The following NELL1 variants were observed in gnomAD, a reference collection of about 807,000 sequenced individuals.
NELL1 encodes neural EGFL like 1, also known as protein kinase C-binding protein NELL1.
Under a neutral mutation model 107.4 loss-of-function variants are expected in NELL1, and 76 were observed. The ratio of observed to expected loss-of-function variants is 0.71; its 90% CI spans 0.59 to 0.86. The LOEUF (loss-of-function observed/expected upper bound fraction) is 0.86. Ranked by LOEUF, NELL1 falls within the 40% of genes least tolerant of loss-of-function variation. The pLI is 0.00. For missense variants in NELL1, 1,024 were observed against 1,005.5 expected (o/e 1.02, Z -0.25); for synonymous variants, 353 against 341.2 (o/e 1.03, Z -0.38).
At chr11:21,168,974 T>C (rs568377244) in intron 13 of NELL1, among the ~76,000 whole-genome samples, 1 of 152,100 alleles carries the variant, frequency 6.6e-6, no homozygotes, top group African/African-American at 2.4e-5. Context: ...GACTCAATTC[T>C]GTATTGGTGA....
intron 14 of NELL1, among the ~76,000 whole-genome samples, chr11:21,331,461 C>T (rs1009077127): frequency 6.6e-6 from 1 of 151,982 alleles, no homozygotes; most frequent in African/African-American, 2.4e-5. Context: ...TGATGTTGTT[C>T]CTCAGAGGAT....
intron 12 of NELL1, among the ~76,000 whole-genome samples, chr11:21,065,694 T>C (rs1218686879): frequency 6.6e-6 from 1 of 152,216 alleles, no homozygotes; most frequent in Non-Finnish European, 1.5e-5. Context: ...ATTTTAACTC[T>C]GAATTCACTT....
chr11:20,773,405 T>A (rs112238505), intron 2 of NELL1: 3,279 of 152,316 alleles, frequency 0.022, 31 homozygotes, highest in African/African-American at 0.028. Context: ...GATGTGGTTT[T>A]ATTCTCATTT....
intron 15 of NELL1, among the ~76,000 whole-genome samples, chr11:21,491,914 T>A (rs141530111): frequency 0.061 from 9,335 of 152,086 alleles, 629 homozygotes; most frequent in East Asian, 0.17. Flanking sequence ...GGTCCTTCAC[T>A]TCCCTTGTAA....
chr11:21,309,433 G>C (rs1422883249), intron 14 of NELL1, among the ~76,000 whole-genome samples: 1 of 151,142 alleles, frequency 6.6e-6, no homozygotes. Context: ...AAGAAATGAT[G>C]TGAAAACAAA....
intron 3 of NELL1, among the ~76,000 whole-genome samples, chr11:20,788,088 A>G (rs1245522672): frequency 6.6e-6 from 1 of 152,226 alleles, no homozygotes; most frequent in Admixed American, 6.5e-5. Context: ...GATATAATAC[A>G]TTATAGATAT....
chr11:20,686,394 A>C (rs1854305481), intron 2 of NELL1, among the ~76,000 whole-genome samples: 1 of 152,138 alleles, frequency 6.6e-6, no homozygotes, highest in Admixed American at 6.6e-5. Context: ...GCTTGAAATA[A>C]ATTTTTTTAG....
At chr11:21,416,086 A>T (rs1047210849) in intron 15 of NELL1, among the ~76,000 whole-genome samples, 2 of 152,062 alleles carry the variant, frequency 1.3e-5, no homozygotes, top group Non-Finnish European at 2.9e-5. Context: ...GGAAGGAAAT[A>T]TCTTTCTTCA....
intron 2 of NELL1, among the ~76,000 whole-genome samples, chr11:20,696,425 C>G (rs911347199): frequency 6.6e-6 from 1 of 151,996 alleles, no homozygotes; most frequent in Admixed American, 6.6e-5. Context: ...TGAGATCTTT[C>G]TAACTTTTTA....
intron 15 of NELL1, among the ~76,000 whole-genome samples, chr11:21,415,373 C>A (rs1852490308): frequency 6.6e-6 from 1 of 151,990 alleles, no homozygotes; most frequent in Admixed American, 6.6e-5. Context: ...AGGGTAAATG[C>A]CTCTTTTCCA....
At chr11:21,506,107 A>G (rs1855271743) in intron 15 of NELL1, among the ~76,000 whole-genome samples, 1 of 152,226 alleles carries the variant, frequency 6.6e-6, no homozygotes, top group Admixed American at 6.5e-5. Flanking sequence ...TCACAATTTA[A>G]GTATCCTATC....
chr11:21,390,996 A>G (rs898117395), intron 15 of NELL1, among the ~76,000 whole-genome samples: 2 of 151,522 alleles, frequency 1.3e-5, no homozygotes, highest in Non-Finnish European at 3.0e-5. Context: ...CCTTTTCTGG[A>G]TTATACCCCT....
Position 21,086,975 on chromosome 11 carries a change from A to G in NELL1, c.1301-26614A>G, listed in dbSNP as rs540258141. Among the ~76,000 whole-genome samples the G allele has an allele frequency of 7.9e-5, 12 of 151,950 alleles. No individual in the cohort carries two copies. In the South Asian group the frequency reaches 2.5e-3, roughly 32 times the overall value. On this transcript the variant is annotated intron_variant, in intron 12 of 19. Coordinates refer to ENST00000357134, the MANE Select transcript of NELL1 (RefSeq NM_006157.5). ...TGCCTCAGCCTCCAGAGTAGCTGGG[A>G]CTACAGGCGTGTGTCACCACGCCTG...
At chr11:21,262,108 A>T (rs1436890520) in intron 14 of NELL1, among the ~76,000 whole-genome samples, 1 of 151,824 alleles carries the variant, frequency 6.6e-6, no homozygotes, top group Non-Finnish European at 1.5e-5. Context: ...CATCTAATTT[A>T]TTAATCTTAT....
At chr11:20,889,385 C>G (rs1300273688) in intron 5 of NELL1, among the ~76,000 whole-genome samples, 1 of 152,022 alleles carries the variant, frequency 6.6e-6, no homozygotes, top group Non-Finnish European at 1.5e-5. Context: ...TAGTATATAC[C>G]AAGCTTAATT....
At chr11:20,808,035 T>C (rs1307791462) in intron 3 of NELL1, among the ~76,000 whole-genome samples, 2 of 152,176 alleles carry the variant, frequency 1.3e-5, no homozygotes, top group Non-Finnish European at 2.9e-5. Flanking sequence ...TGCTTGGTGC[T>C]CTATCCCACT....
At chr11:21,083,899 CA>C (rs2133676208) in intron 12 of NELL1, among the ~76,000 whole-genome samples, 1 of 152,182 alleles carries the variant, frequency 6.6e-6, no homozygotes, top group African/African-American at 2.4e-5. Context: ...TTATATAAGG[CA>C]AAAGTTATTA....
intron 2 of NELL1, among the ~76,000 whole-genome samples, chr11:20,758,254 G>A (rs1856341239): frequency 6.6e-6 from 1 of 152,026 alleles, no homozygotes; most frequent in African/African-American, 2.4e-5. Context: ...CTCTTCTCCA[G>A]GTCATACTCT....
At chr11:21,058,492 A>G (rs1405516685) in intron 12 of NELL1, among the ~76,000 whole-genome samples, 1 of 152,074 alleles carries the variant, frequency 6.6e-6, no homozygotes, top group Admixed American at 6.6e-5. Flanking sequence ...CACACTGTGC[A>G]TTTAGATGTA....
Sources: allele counts gnomAD v4.1 joint callset (sites outside exome capture counted in the v4.1 genomes callset), GRCh38; gene constraint gnomAD v4.1.1; transcripts MANE v1.5; gene names NCBI Gene and HGNC (gene_info 2026-07-23, HGNC 2026-07-21).